Variants in PRX observed in about 807,000 individuals in gnomAD.
The protein encoded by PRX is periaxin.
A neutral mutation model predicts 29.6 loss-of-function variants in PRX; 24 were observed. That is an observed-to-expected ratio of 0.81 (90% confidence interval 0.59 to 1.14). The LOEUF (loss-of-function observed/expected upper bound fraction) is 1.14. Among genes scored for constraint, PRX ranks in the 50% most tolerant of loss-of-function variants. The probability of loss-of-function intolerance (pLI) is 0.00; values close to 1 mark genes in which losing one functional copy is unlikely to be tolerated. For missense variants in PRX, 1,838 were observed against 1,926.4 expected (o/e 0.95, Z 0.86); for synonymous variants, 772 against 831.7 (o/e 0.93, Z 1.24).
In PRX at chr19:40,395,123, G is replaced by T. The variant is rs1027083300; in HGVS notation, c.3229C>A (p.Gln1077Lys). ...GLARGKEAEV[Q>K]GDRASPGEKA... is the part of the protein sequence containing the mutation. ...TCCCCCGGGCTGGCACGATCACCTT[G>T]AACTTCTGCTTCCTTCCCTCGAGCC... is the stretch of plus-strand genomic sequence containing the variant. The change falls in exon 7 of 7, where the codon CAA becomes AAA. Residue 1077 changes from glutamine (Q) to lysine (K), a missense_variant. Transcript: ENST00000324001. 3.7e-6 allele frequency: 6 copies of T among 1,613,896 alleles called. No individual in the cohort carries two copies. The African/African-American group carries it at 8.0e-5, about 22-fold the overall frequency.
chr19:40,394,295 C>A lies in PRX; in HGVS notation c.4057G>T (p.Glu1353Ter), dbSNP rs150914430. ...MVTGEGSPSP[E>*]EEEEEEEEGS... ...TCTTCCTCCTCCTCCTCCTCCTCCTCGGGGCTGGGGGACCCTTCCCCAGTG... is the reference window on the plus strand; with the variant it reads ...TCTTCCTCCTCCTCCTCCTCCTCCTAGGGGCTGGGGGACCCTTCCCCAGTG... The change falls in exon 7 of 7, where the codon GAG (glutamate) becomes TAG (stop). Residue 1353 changes from glutamate (E) to a stop codon, truncating the protein, a stop_gained. Transcript: ENST00000324001. LOFTEE classifies it high-confidence loss of function. The surrounding 1 kb of genome is among the most constrained non-coding windows in gnomAD (Gnocchi z 5.8). 1.2e-6 allele frequency: 2 copies of A among 1,610,054 alleles called. No homozygotes were observed. The highest frequency in any genetic ancestry group is 1.1e-5 in the South Asian group (1 of 90,796).
chr19:40,404,259 C>T (rs1169568965), intron 4 of PRX, among the ~76,000 whole-genome samples: 1 of 152,106 alleles, frequency 6.6e-6, no homozygotes, highest in African/African-American at 2.4e-5. Flanking sequence ...CTCCGCGGGC[C>T]GGCTGGCCTC....
At chr19:40,399,387 C>G (rs2079472532) in intron 5 of PRX, among the ~76,000 whole-genome samples, 1 of 152,208 alleles carries the variant, frequency 6.6e-6, no homozygotes, top group South Asian at 2.1e-4. Flanking sequence ...CCCGGAGCTC[C>G]TGCCCCATTT....
chr19:40,404,599 C>T (rs945881269), intron 4 of PRX, among the ~76,000 whole-genome samples: 1 of 151,966 alleles, frequency 6.6e-6, no homozygotes, highest in Non-Finnish European at 1.5e-5. Flanking sequence ...GACAGGGTCT[C>T]TCACTCTGTC....
chr19:40,414,085 C>G (rs2145752022), upstream of PRX, among the ~76,000 whole-genome samples: 1 of 152,216 alleles, frequency 6.6e-6, no homozygotes, highest in South Asian at 2.1e-4. Context: ...TGCTGAAGCC[C>G]TGCTTTTGAA....
At chr19:40,412,976 C>G (rs945264017) in intron 1 of PRX, among the ~76,000 whole-genome samples, 11 of 152,206 alleles carry the variant, frequency 7.2e-5, no homozygotes, top group African/African-American at 2.4e-4. Flanking sequence ...GTCCTGCCGC[C>G]TCAGCCTCCC....
intron 4 of PRX, among the ~76,000 whole-genome samples, chr19:40,407,212 T>TTGTGTGTGTGTGTGTGTGTGTGTG (rs72256185): frequency 9.7e-5 from 13 of 133,894 alleles, no homozygotes; most frequent in African/African-American, 3.7e-4. Flanking sequence ...TTATATGCCC[T>TTGTGTGTGTGTGTGTGTGTGTGTG]TGTGTGTGTG....
intron 1 of PRX, among the ~76,000 whole-genome samples, chr19:40,411,424 A>G (rs1426662429): frequency 1.1e-4 from 17 of 152,204 alleles, no homozygotes; most frequent in Admixed American, 1.1e-3. Flanking sequence ...TACACAGCAC[A>G]GAGTCCTGAG....
chr19:40,395,020 C>T lies in PRX; in HGVS notation c.3332G>A (p.Arg1111Lys). ...LVTLGAQEEG[R>K]AEGAVAVSGM... ...ACTGACGGCCACAGCCCCCTCTGCCCTCCCTTCCTCCTGGGCGCCCAGCGT... is the reference window on the plus strand; with the variant it reads ...ACTGACGGCCACAGCCCCCTCTGCCTTCCCTTCCTCCTGGGCGCCCAGCGT... The change falls in exon 7 of 7, where the codon AGG becomes AAG. Residue 1111 changes from arginine to lysine, a missense_variant. Physicochemically the swap from Arg to Lys is conservative, Grantham distance 26. This residue lies in a region of PRX where 1,143 missense variants were observed against 1,193.0 expected (regional missense o/e 0.96). Coordinates refer to ENST00000324001, the MANE Select transcript of PRX (RefSeq NM_181882.3). The T allele has an allele frequency of 6.2e-7, 1 of 1,610,230 alleles. No homozygotes were observed. The highest frequency in any genetic ancestry group is 8.5e-7 in the Non-Finnish European group (1 of 1,179,914).
chr19:40,407,576 C>G (rs2079537814), intron 4 of PRX: 2 of 472,278 alleles, frequency 4.2e-6, no homozygotes, highest in African/African-American at 3.9e-5. Context: ...GCTGGAATTC[C>G]AGGCCTGCGC....
Position 40,406,679 on chromosome 19 carries a change from C to T in PRX, c.27+1227G>A, listed in dbSNP as rs2079532121. On this transcript the variant is annotated intron_variant, in intron 4 of 6. Coordinates refer to ENST00000324001, the MANE Select transcript of PRX (RefSeq NM_181882.3). ...TCCACCATCTCAGTAACAGTGACAGCAGCTGTCATTCAAAGAGGCTTCCTC... is the reference window on the plus strand; with the variant it reads ...TCCACCATCTCAGTAACAGTGACAGTAGCTGTCATTCAAAGAGGCTTCCTC... 2.0e-5 allele frequency among the ~76,000 whole-genome samples: 3 copies of T among 152,108 alleles called. No individual in the cohort carries two copies. In the South Asian group the frequency reaches 6.2e-4, roughly 32 times the overall value.
chr19:40,407,645 G>C, intron 4 of PRX: 1 of 596,536 alleles, frequency 1.7e-6, no homozygotes, highest in Non-Finnish European at 3.0e-6. Flanking sequence ...ATTTTCTTCA[G>C]CTCCTTATTA....
Position 40,398,832 on chromosome 19 carries a change from A to C in PRX, c.185-16T>G. 6.2e-7 allele frequency: 1 copy of C among 1,613,816 alleles called. No homozygotes were observed. The highest frequency in any genetic ancestry group is 8.5e-7 in the Non-Finnish European group (1 of 1,179,910). The stretch of plus-strand genomic sequence containing the variant: ...AGCTGGTCCCCTGCGGGCGAGGTGG[A>C]GGTGCGCAGCACGTGGGCATCTCCC... On this transcript the variant is annotated splice_polypyrimidine_tract_variant and intron_variant, in intron 5 of 6. Transcript: ENST00000324001. This position sits in a 1 kb window ranked among gnomAD's most constrained non-coding sequence, Gnocchi z 6.3.
Position 40,394,272 on chromosome 19 carries a change from TTCCTCCTCCTCC to T in PRX, c.4068_4079del (p.Glu1358_Glu1361del), listed in dbSNP as rs139624657. On this transcript the variant is annotated inframe_deletion, in exon 7 of 7. Transcript: ENST00000324001. This position sits in a 1 kb window ranked among gnomAD's most constrained non-coding sequence, Gnocchi z 5.8. ...CCGAGGCCCCTTCCCCACTGCCCTCTTCCTCCTCCTCCTCCTCCTCCTCGGGGCTGGGGGACC... is the reference window on the plus strand; with the variant it reads ...CCGAGGCCCCTTCCCCACTGCCCTCTTCCTCCTCCTCGGGGCTGGGGGACC... The T allele has an allele frequency of 7.3e-7, 1 of 1,367,536 alleles. No individual in the cohort carries two copies. The highest frequency in any genetic ancestry group is 1.5e-5 in the African/African-American group (1 of 68,756). 84.7% of individuals were successfully genotyped at this position (1,367,536 alleles called of 1,614,324 possible).
intron 1 of PRX, among the ~76,000 whole-genome samples, chr19:40,413,019 GC>G (rs1421592659): frequency 9.2e-5 from 14 of 152,318 alleles, no homozygotes; most frequent in Middle Eastern, 6.8e-3. Flanking sequence ...GAGCCACCAT[GC>G]CTGGCTGCCC....
chr19:40,404,661 C>G (rs2079520358), intron 4 of PRX, among the ~76,000 whole-genome samples: 1 of 151,992 alleles, frequency 6.6e-6, no homozygotes, highest in African/African-American at 2.4e-5. Context: ...CCTCCACCTC[C>G]TTAAACTCAA....
Position 40,393,870 on chromosome 19 carries a change from C to A in PRX, c.*96G>T. 1 of 1,583,306 alleles carries A rather than the reference C, an allele frequency of 6.3e-7. No homozygotes were observed. Among genetic ancestry groups the A allele is most frequent in the Non-Finnish European group, 8.6e-7 (1 of 1,168,118 alleles). On this transcript the variant is annotated 3_prime_UTR_variant, in exon 7 of 7. Transcript: ENST00000324001. ...GCCAGCCCTGGTCAGTCACCCACCT[C>A]CCGGCCCTCTTAGGGTTAGTGCTAG...
In PRX at chr19:40,396,410, C is replaced by A. The variant is rs950524654; in HGVS notation, c.1942G>T (p.Ala648Ser). Reference sequence around the variant, plus strand: ...TCCGGGAGGTGCACATCGGGCACAGCCATCTCGGGCACCTTCGGGAGTTTC... The same window carrying A: ...TCCGGGAGGTGCACATCGGGCACAGACATCTCGGGCACCTTCGGGAGTTTC... ...EVKLPKVPEM[A>S]VPDVHLPEVQ... The change falls in exon 7 of 7, where the codon GCT becomes TCT. Residue 648 changes from alanine to serine, a missense_variant. By Grantham distance (99) the Ala-to-Ser change is moderately conservative (BLOSUM62 1). Coordinates refer to ENST00000324001, the MANE Select transcript of PRX (RefSeq NM_181882.3). 5 of 1,613,596 alleles carry A rather than the reference C, an allele frequency of 3.1e-6. No homozygotes were observed. The African/African-American group carries it at 5.3e-5, about 17-fold the overall frequency.
In PRX at chr19:40,397,136, C is replaced by T. The variant is rs117336941; in HGVS notation, c.1216G>A (p.Ala406Thr). The T allele has an allele frequency of 5.5e-3, 8,814 of 1,614,152 alleles. 54 individuals are homozygous for T. Among genetic ancestry groups the T allele is most frequent in the Non-Finnish European group, 6.1e-3 (7,246 of 1,180,036 alleles). The change falls in exon 7 of 7, where the codon GCT (alanine) becomes ACT (threonine). Residue 406 changes from alanine to threonine, a missense_variant. Around this residue, in one of 3 missense-constraint regions of PRX, gnomAD observed 666 missense variants for 665.0 expected, o/e 1.00. Transcript: ENST00000324001. ...FGLSLLEPRPAAPEVVESKLK... is the reference protein window; with the variant it reads ...FGLSLLEPRPTAPEVVESKLK... The stretch of plus-strand genomic sequence containing the variant: ...TTGCTCTCTACAACTTCAGGAGCAG[C>T]GGGCCGGGGCTCCAAGAGGGAAAGC...
Sources: gnomAD v4.1 joint callset for allele counts (sites outside exome capture counted in the v4.1 genomes callset) on GRCh38, gnomAD v4.1.1 for gene constraint, gnomAD v4.1.1 regional missense constraint, Gnocchi (gnomAD v3.1) non-coding constraint, MANE v1.5 for transcripts, NCBI Gene and HGNC (gene_info 2026-07-23, HGNC 2026-07-21) for gene names.